The following RCAN2 variants were observed in gnomAD, a reference collection of about 807,000 sequenced individuals.
The protein encoded by RCAN2 is calcipressin-2.
A neutral mutation model predicts 23.6 loss-of-function variants in RCAN2; 9 were observed. That is an observed-to-expected ratio of 0.38 (90% confidence interval 0.23 to 0.67). The LOEUF (loss-of-function observed/expected upper bound fraction) is 0.67. Among genes scored for constraint, RCAN2 ranks in the 30% least tolerant of loss-of-function variants. The pLI is 0.51. For synonymous variants in RCAN2, 109 were observed against 115.7 expected (o/e 0.94, Z 0.37); for missense variants, 273 against 302.3 (o/e 0.90, Z 0.72).
At chr6:46,264,409 T>C (rs547794414) in intron 2 of RCAN2, among the ~76,000 whole-genome samples, 9 of 152,232 alleles carry the variant, frequency 5.9e-5, no homozygotes, top group Non-Finnish European at 1.3e-4. Context: ...TATAAGGAAC[T>C]TCTTATGATT....
intron 2 of RCAN2, among the ~76,000 whole-genome samples, chr6:46,334,469 T>A (rs116722026): frequency 6.6e-6 from 1 of 151,990 alleles, no homozygotes; most frequent in Non-Finnish European, 1.5e-5. Flanking sequence ...AAGAAATAAA[T>A]CTACAACCTA....
In RCAN2 at chr6:46,246,049, G is replaced by T. The variant is rs999747830; in HGVS notation, c.571+699C>A. Among the ~76,000 whole-genome samples the T allele has an allele frequency of 1.0e-3, 153 of 152,198 alleles. 1 individual carries two copies. Among genetic ancestry groups the T allele is most frequent in the African/African-American group, 3.6e-3 (148 of 41,448 alleles). ...AGCCTAAAGAAACTTTTGGACAAGT[G>T]CATAGAGATGTACAAGAATGTTAAC... On this transcript the variant is annotated intron_variant, in intron 4 of 4. Coordinates refer to ENST00000371374, the MANE Select transcript of RCAN2 (RefSeq NM_001251974.2).
intron 1 of RCAN2, among the ~76,000 whole-genome samples, chr6:46,458,895 A>ACGCGCG (rs1164915739): frequency 4.5e-4 from 33 of 73,950 alleles, no homozygotes; most frequent in South Asian, 1.3e-3. Flanking sequence ...ACGCGCGCGC[A>ACGCGCG]CGTGTGTGTG....
intron 2 of RCAN2, among the ~76,000 whole-genome samples, chr6:46,300,676 A>C (rs918512390): frequency 6.6e-6 from 1 of 152,086 alleles, no homozygotes; most frequent in Non-Finnish European, 1.5e-5. Context: ...GTTCAGAGAA[A>C]ATAGAATAAT....
intron 2 of RCAN2, among the ~76,000 whole-genome samples, chr6:46,274,799 C>A (rs1299688028): frequency 3.3e-5 from 5 of 152,166 alleles, no homozygotes; most frequent in Non-Finnish European, 5.9e-5. Flanking sequence ...ATGGAAGAAC[C>A]ACCAAGTACT....
chr6:46,402,133 G>A (rs1346448202), intron 2 of RCAN2, among the ~76,000 whole-genome samples: 2 of 152,208 alleles, frequency 1.3e-5, no homozygotes, highest in African/African-American at 4.8e-5. Flanking sequence ...CTGGAAAGCT[G>A]AAGCAGCAAA....
chr6:46,364,975 C>T (rs976377171), intron 2 of RCAN2, among the ~76,000 whole-genome samples: 3 of 152,106 alleles, frequency 2.0e-5, no homozygotes, highest in African/African-American at 7.2e-5. Context: ...TAAATGGCTC[C>T]CTTTATCTCA....
chr6:46,328,558 A>G (rs1481088569), intron 2 of RCAN2, among the ~76,000 whole-genome samples: 1 of 152,208 alleles, frequency 6.6e-6, no homozygotes, highest in African/African-American at 2.4e-5. Context: ...TATTGGCTAG[A>G]GAGCCCAGGA....
At chr6:46,226,952 A>T (rs1213088813) in intron 4 of RCAN2, among the ~76,000 whole-genome samples, 1 of 152,180 alleles carries the variant, frequency 6.6e-6, no homozygotes, top group Non-Finnish European at 1.5e-5. Context: ...TACTTTTGAG[A>T]TATGTTCCAT....
intron 4 of RCAN2, among the ~76,000 whole-genome samples, chr6:46,229,580 A>T (rs1011418787): frequency 2.0e-5 from 3 of 152,126 alleles, no homozygotes; most frequent in Non-Finnish European, 2.9e-5. Flanking sequence ...AAGCTTTTGT[A>T]TGCATCACAT....
At chr6:46,335,286 T>A (rs1047312455) in intron 2 of RCAN2, among the ~76,000 whole-genome samples, 4 of 152,208 alleles carry the variant, frequency 2.6e-5, no homozygotes, top group Non-Finnish European at 4.4e-5. Flanking sequence ...TCATTTTCAG[T>A]CACTTTGGAG....
rs189775378 is a variant in RCAN2, at chr6:46,486,046, A to G, written c.-3+5127T>C. Among the ~76,000 whole-genome samples the G allele has an allele frequency of 1.4e-3, 220 of 152,314 alleles. 1 individual carries two copies. Among genetic ancestry groups the G allele is most frequent in the Non-Finnish European group, 1.2e-3 (84 of 68,032 alleles). On this transcript the variant is annotated intron_variant, in intron 1 of 4. Coordinates refer to ENST00000371374, the MANE Select transcript of RCAN2 (RefSeq NM_001251974.2). ...GATTTCTTGTTATTAGTAGGTCCCT[A>G]TTGTGACAATCATCCTCAACATCTG...
intron 2 of RCAN2, among the ~76,000 whole-genome samples, chr6:46,376,628 C>T (rs189624403): frequency 2.0e-5 from 3 of 151,938 alleles, no homozygotes; most frequent in East Asian, 1.9e-4. Context: ...TGCAGTGAGC[C>T]GAGGAGATCA....
At chr6:46,439,905 G>T (rs977015377) in intron 2 of RCAN2, among the ~76,000 whole-genome samples, 1 of 152,194 alleles carries the variant, frequency 6.6e-6, no homozygotes, top group Non-Finnish European at 1.5e-5. Context: ...AGAGTGAAAC[G>T]ACTTTCCTTT....
chr6:46,319,887 T>TCA (rs1019008770), intron 2 of RCAN2, among the ~76,000 whole-genome samples: 1 of 152,108 alleles, frequency 6.6e-6, no homozygotes, highest in East Asian at 1.9e-4. Context: ...TCTTGCCACC[T>TCA]CACACACACA....
At chr6:46,340,637 T>C (rs918526879) in intron 2 of RCAN2, among the ~76,000 whole-genome samples, 3 of 152,210 alleles carry the variant, frequency 2.0e-5, no homozygotes, top group African/African-American at 7.2e-5. Flanking sequence ...AACCCCCTCT[T>C]CTATCACATT....
intron 2 of RCAN2, among the ~76,000 whole-genome samples, chr6:46,281,894 A>G (rs187259832): frequency 6.6e-6 from 1 of 152,160 alleles, no homozygotes; most frequent in South Asian, 2.1e-4. Flanking sequence ...CCAAGGTCAC[A>G]CAGTTAATAA....
At chr6:46,223,334 G>T in intron 4 of RCAN2, 33 bp from the exon 5 acceptor site, 1 of 1,595,810 alleles carries the variant, frequency 6.3e-7, no homozygotes, top group South Asian at 1.1e-5. Flanking sequence ...GTGAGAAAGA[G>T]GGGGGGATTT....
chr6:46,420,605 T>C (rs1030940268), intron 2 of RCAN2, among the ~76,000 whole-genome samples: 1 of 150,448 alleles, frequency 6.6e-6, no homozygotes, highest in African/African-American at 2.4e-5. Context: ...AGTGCAATGG[T>C]GCAATCTCGG....
Sources: gnomAD v4.1 joint callset for allele counts (sites outside exome capture counted in the v4.1 genomes callset) on GRCh38, gnomAD v4.1.1 for gene constraint, MANE v1.5 for transcripts, NCBI Gene and HGNC (gene_info 2026-07-23, HGNC 2026-07-21) for gene names.